CHD7: variants seen among roughly 807,000 people sequenced by gnomAD.
CHD7 encodes chromodomain helicase DNA binding protein 7.
A neutral mutation model predicts 307.3 loss-of-function variants in CHD7; 24 were observed. That is an observed-to-expected ratio of 0.08 (90% CI 0.06 to 0.11). The LOEUF is 0.11. Among genes scored for constraint, CHD7 ranks in the 10% least tolerant of loss-of-function variants. The pLI is 1.00. For missense variants in CHD7, 3,106 were observed against 3,727.1 expected (o/e 0.83, Z 4.34); for synonymous variants, 1,363 against 1,349.9 (o/e 1.01, Z -0.21).
intron 2 of CHD7, among the ~76,000 whole-genome samples, chr8:60,750,488 G>C (rs536713503): frequency 6.6e-6 from 1 of 152,210 alleles, no homozygotes; most frequent in Non-Finnish European, 1.5e-5. Context: ...GAACTGTCCA[G>C]TTATATGATG....
chr8:60,760,068 G>C (rs1810102403), intron 2 of CHD7, among the ~76,000 whole-genome samples: 1 of 152,186 alleles, frequency 6.6e-6, no homozygotes, highest in East Asian at 1.9e-4. Flanking sequence ...GTTCAGGGAA[G>C]AGGTAGACTG....
chr8:60,850,833 G>A, intron 26 of CHD7, 199 bp from the exon 27 acceptor site: 4 of 705,626 alleles, frequency 5.7e-6, no homozygotes, highest in Non-Finnish European at 9.4e-6. Flanking sequence ...TTTTCCAAAT[G>A]TCATTTCCCG....
intron 7 of CHD7, chr8:60,808,728 G>GT (rs1812652897): frequency 6.5e-6 from 1 of 153,770 alleles, no homozygotes; most frequent in Non-Finnish European, 1.4e-5. Flanking sequence ...AGCTTTATCT[G>GT]TTTTTGTTTG....
Position 60,853,660 on chromosome 8 carries a change from C to T in CHD7, c.6775+160C>T. Among the ~76,000 whole-genome samples, 2 of 152,196 alleles carry T rather than the reference C, an allele frequency of 1.3e-5. 1 individual carries two copies. The highest frequency in any genetic ancestry group is 1.3e-4 in the Admixed American group (2 of 15,278). On this transcript the variant is annotated intron_variant, in intron 31 of 37. Transcript: ENST00000423902. ...AAGTTATGCTTATATCTGTGTTTTGCTCTCGCACCTTATAGCACCTAACCA... is the reference window on the plus strand; with the variant it reads ...AAGTTATGCTTATATCTGTGTTTTGTTCTCGCACCTTATAGCACCTAACCA...
At chr8:60,845,490 C>A in intron 23 of CHD7, 81 bp downstream of exon 23, 1 of 1,460,258 alleles carries the variant, frequency 6.8e-7, no homozygotes, top group Non-Finnish European at 9.3e-7. Context: ...CCCTTCACGT[C>A]TGCAGATGCA....
chr8:60,860,579 C>A (rs1370629538), intron 34 of CHD7, among the ~76,000 whole-genome samples: 1 of 152,228 alleles, frequency 6.6e-6, no homozygotes, highest in Non-Finnish European at 1.5e-5. Context: ...GGATTACAGG[C>A]AAGTGCCACC....
intron 1 of CHD7, among the ~76,000 whole-genome samples, chr8:60,690,993 C>T (rs1042547040): frequency 7.2e-5 from 11 of 152,134 alleles, no homozygotes; most frequent in Non-Finnish European, 1.3e-4. Flanking sequence ...GGCGTGATCT[C>T]GGCTCACTGC....
At chr8:60,851,005 A>G (rs1459553782) in intron 26 of CHD7, 27 bp from the exon 27 acceptor site, 7 of 1,500,398 alleles carry the variant, frequency 4.7e-6, no homozygotes, top group Middle Eastern at 3.5e-4. Context: ...GTATGATTCA[A>G]ATAATTTTTG....
At chr8:60,798,662 G>C (rs1177921127) in intron 4 of CHD7, among the ~76,000 whole-genome samples, 1 of 152,022 alleles carries the variant, frequency 6.6e-6, no homozygotes, top group African/African-American at 2.4e-5. Context: ...ACATTCTTGA[G>C]ACTCTTTAAA....
chr8:60,821,104 T>G (rs1804010187), intron 9 of CHD7, among the ~76,000 whole-genome samples: 1 of 152,198 alleles, frequency 6.6e-6, no homozygotes, highest in Non-Finnish European at 1.5e-5. Context: ...GTATCACTCT[T>G]TTTAAGGAAA....
intron 2 of CHD7, among the ~76,000 whole-genome samples, chr8:60,761,552 A>G (rs1040831316): frequency 1.3e-5 from 2 of 151,972 alleles, no homozygotes; most frequent in East Asian, 3.9e-4. Context: ...CTCAGGGTAC[A>G]TGGGAACTCA....
At chr8:60,723,585 A>G (rs920269434) in intron 1 of CHD7, among the ~76,000 whole-genome samples, 1 of 152,152 alleles carries the variant, frequency 6.6e-6, no homozygotes, top group Non-Finnish European at 1.5e-5. Flanking sequence ...AATGCAAAAA[A>G]CCTAATATAG....
chr8:60,827,248 T>TAA (rs11323480), intron 13 of CHD7, among the ~76,000 whole-genome samples: 2 of 138,536 alleles, frequency 1.4e-5, no homozygotes, highest in African/African-American at 2.6e-5. Flanking sequence ...TAAAGTATAA[T>TAA]AAAAAAAAAA....
intron 6 of CHD7, among the ~76,000 whole-genome samples, chr8:60,806,083 C>T (rs976650830): frequency 6.6e-6 from 1 of 152,088 alleles, no homozygotes; most frequent in Non-Finnish European, 1.5e-5. Context: ...AAATGGGAGG[C>T]TGGGCGCAGT....
intron 2 of CHD7, among the ~76,000 whole-genome samples, chr8:60,767,142 G>A (rs1402774290): frequency 6.6e-6 from 1 of 152,192 alleles, no homozygotes; most frequent in Non-Finnish European, 1.5e-5. Flanking sequence ...GAGCCTTGGA[G>A]GGCACCTTGG....
At chr8:60,805,823 G>A (rs970714999) in intron 6 of CHD7, among the ~76,000 whole-genome samples, 1 of 151,990 alleles carries the variant, frequency 6.6e-6, no homozygotes, top group African/African-American at 2.4e-5. Context: ...ATATATATCA[G>A]TTATATAAAT....
chr8:60,814,699 G>A (rs1022732550), intron 7 of CHD7, among the ~76,000 whole-genome samples: 8 of 152,078 alleles, frequency 5.3e-5, no homozygotes, highest in South Asian at 2.1e-4. Context: ...TGCCTGCCTC[G>A]TATAATATGT....
Position 60,852,714 on chromosome 8 carries a change from C to T in CHD7, c.6103+8C>T, listed in dbSNP as rs3763592. The T allele has an allele frequency of 0.057, 92,336 of 1,613,390 alleles. 7,029 individuals are homozygous for T. Among genetic ancestry groups the T allele is most frequent in the African/African-American group, 0.38 (28,341 of 74,882 alleles). On this transcript the variant is annotated splice_region_variant and intron_variant, in intron 30 of 37. Coordinates refer to ENST00000423902, the MANE Select transcript of CHD7 (RefSeq NM_017780.4). ...CCGTCAAGCCAGATGATGGTAGGTA[C>T]ATTTAGCAACAAAGTTCTATACAAA...
intron 13 of CHD7, chr8:60,824,966 T>A (rs1276233134): frequency 6.6e-6 from 1 of 152,206 alleles, no homozygotes; most frequent in African/African-American, 2.4e-5. Context: ...GTGGTTATGA[T>A]CACTTATATT....
Sources: allele counts gnomAD v4.1 joint callset (sites outside exome capture counted in the v4.1 genomes callset), GRCh38; gene constraint gnomAD v4.1.1; transcripts MANE v1.5; gene names NCBI Gene and HGNC (gene_info 2026-07-23, HGNC 2026-07-21).